The following CLCA4 variants were observed in gnomAD, a reference collection of about 807,000 sequenced individuals.
The protein encoded by CLCA4 is chloride channel accessory 4, also known as calcium-activated chloride channel regulator 4.
A neutral mutation model predicts 78.9 loss-of-function variants in CLCA4; 69 were observed. The ratio of observed to expected loss-of-function variants is 0.87; its 90% CI spans 0.72 to 1.07. The LOEUF is 1.07. Among genes scored for constraint, CLCA4 ranks in the 50% least tolerant of loss-of-function variants. The pLI, the probability that CLCA4 is intolerant of heterozygous loss-of-function variation, is 0.00. For synonymous variants in CLCA4, 362 were observed against 375.8 expected, an observed-to-expected ratio of 0.96 and a Z score of 0.42; for missense variants, 1,133 against 1,095.8, an observed-to-expected ratio of 1.03 and a Z score of -0.48.
At position 86,547,157 on chromosome 1, in the gene CLCA4, T is replaced by G. The variant is rs1009761072; in HGVS notation, c.38T>G (p.Leu13Arg). The G allele has an allele frequency of 2.5e-6, 4 of 1,609,520 alleles. 1 individual carries two copies. In the South Asian group the frequency reaches 4.5e-5, roughly 18 times the overall value. ...AGAGGTTTTGTTTTCCTCTTAGTTC[T>G]GTGCCTGCTGCACCAGTCAAATACT... Reference protein sequence around the residue: ...LFRGFVFLLVLCLLHQSNTSF... With the variant: ...LFRGFVFLLVRCLLHQSNTSF... The change falls in exon 1 of 14, where the codon CTG (leucine) becomes CGG (arginine). Residue 13 changes from leucine to arginine, a missense_variant. Physicochemically the swap from Leu to Arg is moderately radical, Grantham distance 102. Coordinates refer to ENST00000370563, the MANE Select transcript of CLCA4 (RefSeq NM_012128.4).
At chr1:86,552,550 AC>A in intron 1 of CLCA4, 2 of 528,150 alleles carry the variant, frequency 3.8e-6, no homozygotes, top group Non-Finnish European at 6.8e-6. Context: ...CGGCAGGCGC[AC>A]CCTCTACGGG....
rs1260105278 is a variant in CLCA4 at position 86,574,686 on chromosome 1, A to C, written c.1614A>C (p.Thr538=). The change falls in exon 10 of 14, where the codon ACA becomes ACC. Residue 538 remains threonine (T), a synonymous_variant. Transcript: ENST00000370563. ...PSISLWDPSG[T]IMENFTVDAT... Reference sequence around the variant, plus strand: ...TTTCTCTCTGGGATCCCAGTGGAACAATAATGGAAAATTTCACAGTGGATG... The same window carrying C: ...TTTCTCTCTGGGATCCCAGTGGAACCATAATGGAAAATTTCACAGTGGATG... 4.5e-5 allele frequency: 72 copies of C among 1,613,242 alleles called. No individual in the cohort carries two copies. Among genetic ancestry groups the C allele is most frequent in the Non-Finnish European group, 5.9e-5 (70 of 1,179,574 alleles).
At chr1:86,565,509 T>TGA in intron 5 of CLCA4, 58 bp downstream of exon 5, 1 of 1,350,436 alleles carries the variant, frequency 7.4e-7, no homozygotes, top group Non-Finnish European at 1.0e-6. Flanking sequence ...TTGTCATGTT[T>TGA]TTAAAGTATC....
chr1:86,548,036 T>A (rs1352134092), intron 1 of CLCA4, among the ~76,000 whole-genome samples: 1 of 152,226 alleles, frequency 6.6e-6, no homozygotes, highest in Non-Finnish European at 1.5e-5. Flanking sequence ...CTGTTTTCCA[T>A]AATGGCTGTA....
rs1343178324 is a variant in CLCA4 at position 86,560,240 on chromosome 1, C to T, written c.330C>T (p.Leu110=). ...ATGTTATAGTTGCACCACCTACACT[C>T]CCAGGTAGAGATGAACCATACACCA... ...HADVIVAPPT[L]PGRDEPYTKQ... Residue 110 remains leucine (L), a synonymous_variant, in exon 3 of 14, where the codon CTC becomes CTT. Transcript: ENST00000370563. The T allele has an allele frequency of 1.2e-6, 2 of 1,613,728 alleles. No individual in the cohort carries two copies. The highest frequency in any genetic ancestry group is 8.5e-7 in the Non-Finnish European group (1 of 1,179,854).
chr1:86,565,548 T>C (rs1293331696), intron 5 of CLCA4, 97 bp downstream of exon 5: 1 of 973,376 alleles, frequency 1.0e-6, no homozygotes, highest in Non-Finnish European at 1.5e-6. Flanking sequence ...ATTATATATA[T>C]TGATATAGAG....
rs900683070 is a variant in CLCA4 at position 86,567,345 on chromosome 1, C to T, written c.955-79C>T. 1.3e-5 allele frequency: 15 copies of T among 1,148,128 alleles called. No individual in the cohort carries two copies. The African/African-American group carries it at 2.2e-4, about 17-fold the overall frequency. 71.1% of individuals were successfully genotyped at this position (1,148,128 alleles called of 1,614,324 possible). A position where few individuals can be genotyped will look rare whatever the true frequency, so the allele number is the denominator to read the frequency against. ...TCATAGAAAATGTTACCAATAAATT[C>T]TGTCCATTCATTTTATGTGATCTTC... is the stretch of plus-strand genomic sequence containing the variant. On this transcript the variant is annotated intron_variant, in intron 6 of 13. Coordinates refer to ENST00000370563, the MANE Select transcript of CLCA4 (RefSeq NM_012128.4).
In CLCA4 at chr1:86,565,243, G is replaced by A. The variant is rs750181615; in HGVS notation, c.558-31G>A. 4 of 1,488,674 alleles carry A rather than the reference G, an allele frequency of 2.7e-6. No individual in the cohort carries two copies. The East Asian group carries it at 6.8e-5, about 25-fold the overall frequency. The allele number at this position is 1,488,674 out of a possible 1,614,324, so 92.2% of individuals were successfully genotyped here. A position where few individuals can be genotyped will look rare whatever the true frequency, so the allele number is the denominator to read the frequency against. On this transcript the variant is annotated intron_variant, in intron 4 of 13. Coordinates refer to ENST00000370563, the MANE Select transcript of CLCA4 (RefSeq NM_012128.4). ...TTCTGTAAGTGCTAATGATTCAGTTGCCTCAAAGATTAACTGTCATATATT... is the reference window on the plus strand; with the variant it reads ...TTCTGTAAGTGCTAATGATTCAGTTACCTCAAAGATTAACTGTCATATATT...
chr1:86,566,534 A>G (rs1234252699), intron 6 of CLCA4, among the ~76,000 whole-genome samples: 1 of 152,080 alleles, frequency 6.6e-6, no homozygotes, highest in East Asian at 1.9e-4. Context: ...CATTTAAGGC[A>G]TAGTGAAGCA....
In CLCA4 at chr1:86,571,456, A is replaced by T. The variant is rs1650349563; in HGVS notation, c.1360+202A>T. The T allele has an allele frequency of 6.2e-6, 3 of 480,808 alleles. No homozygotes were observed. In the South Asian group the frequency reaches 1.2e-4, roughly 20 times the overall value. 29.8% of individuals were successfully genotyped at this position (480,808 alleles called of 1,614,324 possible). A position where few individuals can be genotyped will look rare whatever the true frequency, so the allele number is the denominator to read the frequency against. Reference sequence around the variant, plus strand: ...TGATGAAATAACATAATCAGATAGCATTCCTACATAACAGGAGGAATATAG... The same window carrying T: ...TGATGAAATAACATAATCAGATAGCTTTCCTACATAACAGGAGGAATATAG... On this transcript the variant is annotated intron_variant, in intron 8 of 13. Transcript: ENST00000370563.
intron 1 of CLCA4, among the ~76,000 whole-genome samples, chr1:86,553,803 G>A (rs1310372694): frequency 2.6e-5 from 4 of 152,066 alleles, no homozygotes; most frequent in Non-Finnish European, 5.9e-5. Context: ...GGGCCCAGTG[G>A]CAGGCGCCTG....
chr1:86,565,959 C>T lies in CLCA4; in HGVS notation c.893C>T (p.Ser298Leu), dbSNP rs1420608283. 1.2e-6 allele frequency: 2 copies of T among 1,613,164 alleles called. No homozygotes were observed. Among genetic ancestry groups the T allele is most frequent in the African/African-American group, 2.7e-5 (2 of 74,848 alleles). The change falls in exon 6 of 14, where the codon TCA (serine) becomes TTA (leucine). Residue 298 changes from serine (S) to leucine (L), a missense_variant. Coordinates refer to ENST00000370563, the MANE Select transcript of CLCA4 (RefSeq NM_012128.4). ...ACACCACCTCCTCCACCTGTCTTCT[C>T]ATTGCTGAAGATCAGTCAAAGAATT... ...MVTPPPPPVF[S>L]LLKISQRIVC...
Position 86,560,368 on chromosome 1 carries a change from T to G in CLCA4, c.448+10T>G. The G allele has an allele frequency of 6.2e-7, 1 of 1,613,168 alleles. No homozygotes were observed. The highest frequency in any genetic ancestry group is 8.5e-7 in the Non-Finnish European group (1 of 1,179,648). On this transcript the variant is annotated intron_variant, in intron 3 of 13. Coordinates refer to ENST00000370563, the MANE Select transcript of CLCA4 (RefSeq NM_012128.4). ...GAATATGGACCACCAGGTAGAAATT[T>G]TGGTTAAAAAATAATTTTGCAGTGA...
At chr1:86,565,511 T>G in intron 5 of CLCA4, 60 bp downstream of exon 5, 1 of 1,337,648 alleles carries the variant, frequency 7.5e-7, no homozygotes, top group Non-Finnish European at 1.0e-6. Context: ...GTCATGTTTT[T>G]AAAGTATCTG....
In CLCA4 at chr1:86,575,448, G is replaced by A. The variant is rs768554342; in HGVS notation, c.1800G>A (p.Met600Ile). Reference sequence around the variant, plus strand: ...CTCCAATCACAGTGAATGCTAAAATGAATAAGGACGTAAACAGTTTCCCCA... The same window carrying A: ...CTCCAATCACAGTGAATGCTAAAATAAATAAGGACGTAAACAGTTTCCCCA... ...SVPPITVNAK[M>I]NKDVNSFPSP... The change falls in exon 11 of 14, where the codon ATG becomes ATA. Residue 600 changes from methionine (M) to isoleucine (I), a missense_variant. Coordinates refer to ENST00000370563, the MANE Select transcript of CLCA4 (RefSeq NM_012128.4). 4.0e-5 allele frequency: 64 copies of A among 1,613,496 alleles called. No individual in the cohort carries two copies. Among genetic ancestry groups the A allele is most frequent in the Non-Finnish European group, 5.3e-5 (63 of 1,179,636 alleles).
chr1:86,567,323 T>A, intron 6 of CLCA4, 101 bp from the exon 7 acceptor site: 1 of 976,942 alleles, frequency 1.0e-6, no homozygotes. Context: ...TTACCATTCA[T>A]AGAAAATGTT....
intron 1 of CLCA4, chr1:86,552,840 C>G: frequency 1.2e-6 from 1 of 821,148 alleles, no homozygotes; most frequent in Non-Finnish European, 2.1e-6. Flanking sequence ...TAGTCTCCAG[C>G]GTTTCATATA....
chr1:86,567,220 C>T (rs1237545399), intron 6 of CLCA4, among the ~76,000 whole-genome samples: 1 of 151,982 alleles, frequency 6.6e-6, no homozygotes, highest in Non-Finnish European at 1.5e-5. Flanking sequence ...TAAAAACCTG[C>T]ACTCCTTACT....
chr1:86,564,611 A>C (rs1650122980), intron 4 of CLCA4, among the ~76,000 whole-genome samples: 2 of 152,154 alleles, frequency 1.3e-5, no homozygotes. Context: ...ACTATTCATC[A>C]TTTCCTGAAT....
Sources: allele counts gnomAD v4.1 joint callset (sites outside exome capture counted in the v4.1 genomes callset), GRCh38; gene constraint gnomAD v4.1.1; transcripts MANE v1.5; gene names NCBI Gene and HGNC (gene_info 2026-07-23, HGNC 2026-07-21).